SNX19: variants seen among roughly 807,000 people sequenced by gnomAD.
SNX19 encodes the protein sorting nexin 19.
SNX19 carries 60 observed loss-of-function variants against 85.2 expected under a neutral mutation model. That is an observed-to-expected ratio of 0.70 (90% CI 0.57 to 0.87). SNX19 has a LOEUF of 0.87. SNX19 is among the 40% of genes least tolerant of loss of function. The pLI is 0.00. For missense variants in SNX19, 1,201 were observed against 1,217.8 expected (o/e 0.99, Z 0.21); for synonymous variants, 520 against 470.0 (o/e 1.11, Z -1.38).
At position 130,879,640 on chromosome 11, in the gene SNX19, G is replaced by T; in HGVS notation, c.2830C>A (p.Gln944Lys). The change falls in exon 10 of 11, where the codon CAA becomes AAA. Residue 944 changes from glutamine (Q) to lysine (K), a missense_variant. Gln to Lys is a moderately conservative substitution (Grantham distance 53). Around this residue, in one of 3 missense-constraint regions of SNX19, gnomAD observed 285 missense variants for 295.3 expected, o/e 0.97. Transcript: ENST00000265909. ...SWGLVLESLQ[Q>K]PLINRHLIYC... is the part of the protein sequence containing the mutation. ...CCCACTTACCTGTTGATGAGGGGTT[G>T]TTGTAGTGACTCCAGGACTAGACCC... 1 of 1,613,894 alleles carries T rather than the reference G, an allele frequency of 6.2e-7. No individual in the cohort carries two copies. The highest frequency in any genetic ancestry group is 8.5e-7 in the Non-Finnish European group (1 of 1,179,858).
rs974348806 is a variant in SNX19 at position 130,914,896 on chromosome 11, T to C, written c.1044A>G (p.Lys348=). The part of the protein sequence containing the change: ...GDLGGMCEER[K]VGNNSSHFLQ... ...GGAAATGAGATGAGTTGTTTCCTACTTTTCTTTCTTCACACATCCCACCCA... is the reference window on the plus strand; with the variant it reads ...GGAAATGAGATGAGTTGTTTCCTACCTTTCTTTCTTCACACATCCCACCCA... The change falls in exon 1 of 11, where the codon AAA becomes AAG. Residue 348 remains lysine (K), a synonymous_variant. Coordinates refer to ENST00000265909, the MANE Select transcript of SNX19 (RefSeq NM_014758.3). 1 of 1,614,104 alleles carries C rather than the reference T, an allele frequency of 6.2e-7. No individual in the cohort carries two copies. The highest frequency in any genetic ancestry group is 8.5e-7 in the Non-Finnish European group (1 of 1,180,044).
chr11:130,911,556 C>T, intron 2 of SNX19, 77 bp downstream of exon 2: 1 of 1,596,832 alleles, frequency 6.3e-7, no homozygotes, highest in Non-Finnish European at 8.5e-7. Flanking sequence ...CCCGATCCCT[C>T]CCATAAACCA....
intron 8 of SNX19, among the ~76,000 whole-genome samples, chr11:130,891,846 C>CTTTTT (rs10649582): frequency 1.4e-5 from 2 of 140,432 alleles, no homozygotes; most frequent in South Asian, 2.2e-4. Flanking sequence ...AAAGTTTTTT[C>CTTTTT]TTTTTTTTTT....
intron 8 of SNX19, among the ~76,000 whole-genome samples, chr11:130,900,828 AAAG>A (rs748473144): frequency 7.9e-5 from 12 of 152,334 alleles, no homozygotes; most frequent in East Asian, 1.9e-4. Flanking sequence ...AAGTCCAAAA[AAAG>A]AAGAAGAGAA....
At chr11:130,893,116 G>A (rs1189423639) in intron 8 of SNX19, 1 of 152,130 alleles carries the variant, frequency 6.6e-6, no homozygotes, top group African/African-American at 2.4e-5. Flanking sequence ...ACCTCACAGG[G>A]AGATCTCCCT....
At chr11:130,905,766 C>A (rs530266352) in intron 7 of SNX19, 187 bp downstream of exon 7, 365 of 1,537,428 alleles carry the variant, frequency 2.4e-4, no homozygotes, top group Non-Finnish European at 2.8e-4. Context: ...CTGCTTGATT[C>A]CGCTGTGGCA....
In SNX19 at chr11:130,888,554, C is replaced by T. The variant is rs117926463; in HGVS notation, c.2574-7748G>A. Among the ~76,000 whole-genome samples the T allele has an allele frequency of 1.1e-3, 169 of 152,320 alleles. 4 individuals are homozygous for T. In the East Asian group the frequency reaches 0.032, roughly 29 times the overall value. On this transcript the variant is annotated intron_variant, in intron 8 of 10. Transcript: ENST00000265909. ...GCATGCTAATCAGGCAGGGCACACT[C>T]CTACTGAACCCATAATGGTTTCTAG...
Position 130,915,916 on chromosome 11 carries a change from C to T in SNX19, c.24G>A (p.Pro8=), listed in dbSNP as rs1269673354. The T allele has an allele frequency of 4.3e-6, 7 of 1,613,792 alleles. No homozygotes were observed. Among genetic ancestry groups the T allele is most frequent in the African/African-American group, 1.3e-5 (1 of 74,924 alleles). The change falls in exon 1 of 11, where the codon CCG becomes CCA. Residue 8 remains proline (P), a synonymous_variant. Coordinates refer to ENST00000265909, the MANE Select transcript of SNX19 (RefSeq NM_014758.3). ...TCGATCCAGCTGGAGTTTCCTGGAACGGTGGCACTGTTTCTGTCTTCATGG... is the reference window on the plus strand; with the variant it reads ...TCGATCCAGCTGGAGTTTCCTGGAATGGTGGCACTGTTTCTGTCTTCATGG... The part of the protein sequence containing the change: MKTETVP[P]FQETPAGSSC...
chr11:130,880,603 A>T lies in SNX19; in HGVS notation c.2758+19T>A, dbSNP rs1302348126. On this transcript the variant is annotated intron_variant, in intron 9 of 10. Transcript: ENST00000265909. Reference sequence around the variant, plus strand: ...AAGAGAAATGTGATTGGTATAATTGATCTCATTGGTCCAATTACCTGGGAG... The same window carrying T: ...AAGAGAAATGTGATTGGTATAATTGTTCTCATTGGTCCAATTACCTGGGAG... The T allele has an allele frequency of 6.4e-7, 1 of 1,560,598 alleles. No homozygotes were observed. The highest frequency in any genetic ancestry group is 8.8e-7 in the Non-Finnish European group (1 of 1,141,786).
chr11:130,896,529 T>C (rs1464564977), intron 8 of SNX19, among the ~76,000 whole-genome samples: 1 of 152,286 alleles, frequency 6.6e-6, no homozygotes, highest in East Asian at 1.9e-4. Context: ...CCAGTTCTAG[T>C]GGCCACTGCT....
At chr11:130,884,169 C>T (rs1207907399) in intron 8 of SNX19, among the ~76,000 whole-genome samples, 1 of 152,168 alleles carries the variant, frequency 6.6e-6, no homozygotes, top group Non-Finnish European at 1.5e-5. Flanking sequence ...GGTAAAGCTC[C>T]ATACACACCA....
At chr11:130,905,793 C>T (rs3198419) in intron 7 of SNX19, 160 bp downstream of exon 7, 1,013,885 of 1,539,468 alleles carry the variant, frequency 0.66, 335,933 homozygotes, top group South Asian at 0.8. Context: ...TACTACTCAT[C>T]TCTGTGCCCC....
chr11:130,880,300 TC>T (rs1943563139), intron 9 of SNX19, among the ~76,000 whole-genome samples: 1 of 152,198 alleles, frequency 6.6e-6, no homozygotes. Flanking sequence ...CTGAGACCTG[TC>T]CCTGCAGGCA....
intron 8 of SNX19, among the ~76,000 whole-genome samples, chr11:130,889,113 TAAGTCTTTTCCCTTA>T (rs1032182949): frequency 4.9e-4 from 74 of 152,334 alleles, no homozygotes; most frequent in African/African-American, 1.6e-3. Flanking sequence ...GTTTTTCACC[TAAGTCTTTTCCCTTA>T]ATATTTATCT....
In SNX19 at chr11:130,867,704, T is replaced by C. The variant is rs995123601; in HGVS notation, c.*10718A>G. 4 of 152,186 alleles carry C rather than the reference T, an allele frequency of 2.6e-5. No homozygotes were observed. The highest frequency in any genetic ancestry group is 5.9e-5 in the Non-Finnish European group (4 of 68,040). 9.4% of individuals were successfully genotyped at this position (152,186 alleles called of 1,614,324 possible). A position where few individuals can be genotyped will look rare whatever the true frequency, so the allele number is the denominator to read the frequency against. On this transcript the variant is annotated 3_prime_UTR_variant, in exon 11 of 11. Transcript: ENST00000265909. ...ATGAGATGCATTTTTAGGACAAACA[T>C]GGAGACCATCATCGTTGTTCCGGAA...
chr11:130,908,451 T>C (rs942081489), intron 4 of SNX19: 4 of 171,668 alleles, frequency 2.3e-5, no homozygotes, highest in African/African-American at 9.5e-5. Flanking sequence ...AACACCTTCA[T>C]CAAGATGTGC....
intron 2 of SNX19, 107 bp from the exon 3 acceptor site, chr11:130,910,477 G>T: frequency 1.2e-6 from 1 of 839,192 alleles, no homozygotes; most frequent in Non-Finnish European, 1.8e-6. Flanking sequence ...TATTTCCTTG[G>T]ATTAAAAAAA....
In SNX19 at chr11:130,868,198, A is replaced by T. The variant is rs930348461; in HGVS notation, c.*10224T>A. On this transcript the variant is annotated 3_prime_UTR_variant, in exon 11 of 11. Coordinates refer to ENST00000265909, the MANE Select transcript of SNX19 (RefSeq NM_014758.3). ...CTTCTCATGCCTTCCCTTTTCACAC[A>T]CTGGGGGCAGACACTCTCTCCTACT... 1 of 152,008 alleles carries T rather than the reference A, an allele frequency of 6.6e-6. No homozygotes were observed. Among genetic ancestry groups the T allele is most frequent in the South Asian group, 2.1e-4 (1 of 4,804 alleles). 9.4% of individuals were successfully genotyped at this position (152,008 alleles called of 1,614,324 possible).
Position 130,878,465 on chromosome 11 carries a change from G to C in SNX19, c.2936C>G (p.Ser979Ter). 4 of 1,613,934 alleles carry C rather than the reference G, an allele frequency of 2.5e-6. No individual in the cohort carries two copies. In the South Asian group the frequency reaches 4.4e-5, roughly 18 times the overall value. The change falls in exon 11 of 11, where the codon TCA becomes TGA. Residue 979 changes from serine to a stop codon, truncating the protein, a stop_gained. Coordinates refer to ENST00000265909, the MANE Select transcript of SNX19 (RefSeq NM_014758.3). LOFTEE classifies it high-confidence loss of function. ...CCTCTTAGAGTTGCCTGGGGTATCT[G>C]AGGCAGAGGTGGTAGCAGCAGACTC... ...VEESAATTSASDTPGNSKRMG... is the reference protein window; with the variant it reads ...VEESAATTSA
Sources: gnomAD v4.1 joint callset for allele counts (sites outside exome capture counted in the v4.1 genomes callset) on GRCh38, gnomAD v4.1.1 for gene constraint, gnomAD v4.1.1 regional missense constraint, MANE v1.5 for transcripts, NCBI Gene and HGNC (gene_info 2026-07-23, HGNC 2026-07-21) for gene names.